Variants in PHIP observed in about 807,000 individuals in gnomAD.
The protein encoded by PHIP is PHIP subunit of CUL4-Ring ligase complex.
PHIP carries 54 observed loss-of-function variants against 236.8 expected under a neutral mutation model. The ratio of observed to expected loss-of-function variants is 0.23; its 90% CI spans 0.18 to 0.29. The LOEUF (loss-of-function observed/expected upper bound fraction) is 0.29. Among genes scored for constraint, PHIP ranks in the 10% least tolerant of loss-of-function variants. The pLI is 1.00. For missense variants in PHIP, 1,370 were observed against 2,190.8 expected, an observed-to-expected ratio of 0.63 and a Z score of 7.48; for synonymous variants, 756 against 718.9, an observed-to-expected ratio of 1.05 and a Z score of -0.83.
intron 24 of PHIP, among the ~76,000 whole-genome samples, chr6:78,977,869 T>A (rs1294235632): frequency 6.6e-6 from 1 of 152,166 alleles, no homozygotes; most frequent in Non-Finnish European, 1.5e-5. Flanking sequence ...GTTTTCTTTT[T>A]TTTCTTAAAG....
At position 79,037,978 on chromosome 6, in the gene PHIP, T is replaced by C. The variant is rs146475508; in HGVS notation, c.600+4865A>G. ...AATACAATGTATTAGAAGCACAAAG[T>C]TAAGCGGCAGTACTCCACATTCAGA... On this transcript the variant is annotated intron_variant, in intron 7 of 39. Transcript: ENST00000275034. Among the ~76,000 whole-genome samples, 939 of 152,332 alleles carry C rather than the reference T, an allele frequency of 6.2e-3. 11 individuals are homozygous for C. Among genetic ancestry groups the C allele is most frequent in the African/African-American group, 0.021 (884 of 41,580 alleles).
intron 6 of PHIP, among the ~76,000 whole-genome samples, chr6:79,056,679 G>T (rs1047681986): frequency 1.3e-5 from 2 of 152,058 alleles, no homozygotes; most frequent in Admixed American, 1.3e-4. Context: ...CTACATCCAG[G>T]AATTATCTGG....
Position 78,937,029 on chromosome 6 carries a change from T to C in PHIP, c.*3664A>G, listed in dbSNP as rs1022056077. The stretch of plus-strand genomic sequence containing the variant: ...GTTATGTTAGAAATACTTTTTAGGT[T>C]AATAGGAGTAATCAGATGATAAAAC... On this transcript the variant is annotated 3_prime_UTR_variant, in exon 40 of 40. Transcript: ENST00000275034. The C allele has an allele frequency of 6.6e-6, 1 of 151,812 alleles. No individual in the cohort carries two copies. The highest frequency in any genetic ancestry group is 1.5e-5 in the Non-Finnish European group (1 of 67,706). 9.4% of individuals were successfully genotyped at this position (151,812 alleles called of 1,614,324 possible).
intron 6 of PHIP, among the ~76,000 whole-genome samples, chr6:79,050,791 C>T (rs965826462): frequency 2.6e-5 from 4 of 152,040 alleles, no homozygotes; most frequent in Admixed American, 1.3e-4. Context: ...ACACTAATGC[C>T]TAAGCATATT....
intron 32 of PHIP, 169 bp from the exon 33 acceptor site, chr6:78,955,851 C>A: frequency 2.5e-6 from 1 of 393,054 alleles, no homozygotes; most frequent in Non-Finnish European, 4.6e-6. Flanking sequence ...ACCCTGACCC[C>A]TCCACTCTAT....
At chr6:78,966,454 C>G (rs1214577941) in intron 27 of PHIP, among the ~76,000 whole-genome samples, 1 of 152,124 alleles carries the variant, frequency 6.6e-6, no homozygotes, top group African/African-American at 2.4e-5. Flanking sequence ...TTTCTGTAAG[C>G]AAGTTTCCCC....
rs930758572 is a variant in PHIP, at chr6:79,076,158, A to G, written c.189+1290T>C. On this transcript the variant is annotated intron_variant, in intron 4 of 39. Transcript: ENST00000275034. ...TTTCAACAGCCTTGAGCGGTTATCA[A>G]CATCTTATATTAAACCACAAGAGAT... 3.4e-4 allele frequency among the ~76,000 whole-genome samples: 51 copies of G among 152,200 alleles called. 3 individuals are homozygous for G. The highest frequency in any genetic ancestry group is 2.6e-3 in the Admixed American group (40 of 15,284).
intron 15 of PHIP, among the ~76,000 whole-genome samples, chr6:79,010,349 T>C (rs1259006934): frequency 6.6e-6 from 1 of 151,644 alleles, no homozygotes; most frequent in Non-Finnish European, 1.5e-5. Flanking sequence ...GTTTGGAACG[T>C]TGCAAGGAGA....
chr6:79,051,110 G>A (rs545996121), intron 6 of PHIP, among the ~76,000 whole-genome samples: 1 of 152,058 alleles, frequency 6.6e-6, no homozygotes, highest in African/African-American at 2.4e-5. Flanking sequence ...TTATTAACAC[G>A]GGTATCAAGG....
chr6:79,065,498 C>G (rs893619565), intron 4 of PHIP, among the ~76,000 whole-genome samples: 1 of 152,096 alleles, frequency 6.6e-6, no homozygotes, highest in African/African-American at 2.4e-5. Context: ...TATCATATAG[C>G]ATACACTCTG....
In PHIP at chr6:78,982,881, C is replaced by G. The variant is rs1471502570; in HGVS notation, c.2769+5G>C. On this transcript the variant is annotated splice_donor_5th_base_variant and intron_variant, in intron 23 of 39. Coordinates refer to ENST00000275034, the MANE Select transcript of PHIP (RefSeq NM_017934.7). ...ACACCAAATTTGTAATGTTAAAAAC[C>G]AAACCTTTTGTTTTCTTTCTTTGGG... The G allele has an allele frequency of 6.5e-7, 1 of 1,536,130 alleles. No individual in the cohort carries two copies. Among genetic ancestry groups the G allele is most frequent in the Non-Finnish European group, 8.7e-7 (1 of 1,143,056 alleles).
chr6:79,071,507 A>G (rs576178812), intron 4 of PHIP, among the ~76,000 whole-genome samples: 8 of 152,352 alleles, frequency 5.3e-5, no homozygotes, highest in East Asian at 1.9e-4. Context: ...CTAAAATTTT[A>G]AATTTGATTC....
intron 24 of PHIP, among the ~76,000 whole-genome samples, chr6:78,974,087 C>T (rs1457281830): frequency 6.6e-6 from 1 of 152,026 alleles, no homozygotes; most frequent in East Asian, 1.9e-4. Context: ...TTTTCAGCAC[C>T]ACACCACACC....
intron 24 of PHIP, among the ~76,000 whole-genome samples, chr6:78,972,838 A>G (rs1331141448): frequency 6.6e-6 from 1 of 152,220 alleles, no homozygotes; most frequent in African/African-American, 2.4e-5. Context: ...AAAAAACAAT[A>G]AAAAGAAATG....
chr6:79,005,044 G>C (rs1770210558), intron 15 of PHIP, among the ~76,000 whole-genome samples: 1 of 152,022 alleles, frequency 6.6e-6, no homozygotes, highest in Non-Finnish European at 1.5e-5. Flanking sequence ...AAGAAGAAAT[G>C]TGTGCAACAG....
At chr6:78,955,085 C>A in intron 34 of PHIP, 122 bp from the exon 35 acceptor site, 1 of 890,642 alleles carries the variant, frequency 1.1e-6, no homozygotes, top group South Asian at 2.0e-5. Flanking sequence ...AAATATTCAC[C>A]AAGTTCTAAA....
intron 9 of PHIP, among the ~76,000 whole-genome samples, 156 bp downstream of exon 9, chr6:79,025,363 A>C (rs1227050835): frequency 6.6e-6 from 1 of 152,204 alleles, no homozygotes; most frequent in Non-Finnish European, 1.5e-5. Context: ...GGGAGGAATA[A>C]AAATAAAACA....
chr6:79,067,181 C>G (rs1319724986), intron 4 of PHIP, among the ~76,000 whole-genome samples: 1 of 152,184 alleles, frequency 6.6e-6, no homozygotes, highest in African/African-American at 2.4e-5. Context: ...GCCACCATGC[C>G]TAGCTCTCAT....
chr6:79,075,653 C>A (rs1774116555), intron 4 of PHIP, among the ~76,000 whole-genome samples: 3 of 121,656 alleles, frequency 2.5e-5, no homozygotes, highest in South Asian at 2.7e-4. Context: ...AACAAAAAAA[C>A]AAAATGATAT....
Sources: allele counts gnomAD v4.1 joint callset (sites outside exome capture counted in the v4.1 genomes callset), GRCh38; gene constraint gnomAD v4.1.1; transcripts MANE v1.5; gene names NCBI Gene and HGNC (gene_info 2026-07-23, HGNC 2026-07-21).